YWHAQ: variants seen among roughly 807,000 people sequenced by gnomAD.
YWHAQ encodes tyrosine 3-monooxygenase/tryptophan 5-monooxygenase activation protein theta.
In YWHAQ, 6 loss-of-function variants were observed where a neutral mutation model predicts 28.3. The observed-to-expected ratio is 0.21, with a 90% CI of 0.12 to 0.42. The LOEUF (loss-of-function observed/expected upper bound fraction) is 0.42. Among genes scored for constraint, YWHAQ ranks in the 10% least tolerant of loss-of-function variants. YWHAQ has a pLI of 1.00. For synonymous variants in YWHAQ, 143 were observed against 119.1 expected (o/e 1.20, Z -1.31); for missense variants, 201 against 305.6 (o/e 0.66, Z 2.55).
chr2:9,609,872 AC>A (rs1666910354), intron 2 of YWHAQ, among the ~76,000 whole-genome samples: 1 of 152,210 alleles, frequency 6.6e-6, no homozygotes, highest in Admixed American at 6.6e-5. Context: ...ACTAAAAGAA[AC>A]TTTTTTAGAG....
chr2:9,605,813 T>C (rs927259097), intron 2 of YWHAQ, among the ~76,000 whole-genome samples: 3 of 151,076 alleles, frequency 2.0e-5, no homozygotes, highest in Non-Finnish European at 4.4e-5. Flanking sequence ...CTGCCCGCTG[T>C]GGCCTCCCAA....
intron 2 of YWHAQ, among the ~76,000 whole-genome samples, chr2:9,602,662 A>AGC (rs1666715984): frequency 6.7e-6 from 1 of 150,332 alleles, no homozygotes; most frequent in Admixed American, 6.7e-5. Context: ...CTCCCACCTT[A>AGC]GCCCTACTAT....
At chr2:9,593,717 A>G (rs1393202833) in intron 2 of YWHAQ, among the ~76,000 whole-genome samples, 2 of 151,752 alleles carry the variant, frequency 1.3e-5, no homozygotes, top group Non-Finnish European at 2.9e-5. Context: ...AATCCCAGCT[A>G]CTTGGAAGGC....
Position 9,584,954 on chromosome 2 carries a change from A to C in YWHAQ, c.*332T>G, listed in dbSNP as rs541193418. On this transcript the variant is annotated 3_prime_UTR_variant, in exon 6 of 6. Transcript: ENST00000238081. ...AACTACATTTTCTTATTTTCACAGTAATACAAAACACAGTCACTTGCAGAA... is the reference window on the plus strand; with the variant it reads ...AACTACATTTTCTTATTTTCACAGTCATACAAAACACAGTCACTTGCAGAA... 5 of 244,038 alleles carry C rather than the reference A, an allele frequency of 2.0e-5. No individual in the cohort carries two copies. The highest frequency in any genetic ancestry group is 2.4e-5 in the Non-Finnish European group (3 of 126,050). 15.1% of individuals were successfully genotyped at this position (244,038 alleles called of 1,614,324 possible).
intron 2 of YWHAQ, among the ~76,000 whole-genome samples, chr2:9,624,206 A>AG (rs1385833259): frequency 6.6e-6 from 1 of 152,210 alleles, no homozygotes; most frequent in Admixed American, 6.5e-5. Flanking sequence ...CAGTGAGCCC[A>AG]GATGGCGCAA....
At chr2:9,622,074 T>C (rs547880234) in intron 2 of YWHAQ, among the ~76,000 whole-genome samples, 1 of 151,646 alleles carries the variant, frequency 6.6e-6, no homozygotes, top group South Asian at 2.1e-4. Context: ...ATTGGAGAAA[T>C]ACCTAATGTA....
chr2:9,592,119 T>A (rs558864240), intron 2 of YWHAQ, among the ~76,000 whole-genome samples: 1 of 152,248 alleles, frequency 6.6e-6, no homozygotes, highest in South Asian at 2.1e-4. Context: ...AAACATCAAG[T>A]ACGAGGGAGA....
chr2:9,625,532 C>T (rs1667232865), intron 2 of YWHAQ, among the ~76,000 whole-genome samples: 1 of 152,122 alleles, frequency 6.6e-6, no homozygotes, highest in South Asian at 2.1e-4. Context: ...GTACTTAGGG[C>T]CTACTGTGTT....
chr2:9,620,910 TCTA>T (rs1442212263), intron 2 of YWHAQ, among the ~76,000 whole-genome samples: 1 of 152,200 alleles, frequency 6.6e-6, no homozygotes, highest in Non-Finnish European at 1.5e-5. Context: ...GAACAGCAGT[TCTA>T]CTATTAACTT....
At chr2:9,593,505 G>A (rs539808416) in intron 2 of YWHAQ, among the ~76,000 whole-genome samples, 3 of 152,020 alleles carry the variant, frequency 2.0e-5, no homozygotes, top group African/African-American at 7.2e-5. Flanking sequence ...CACTGCGCCT[G>A]GCCCATAAGT....
chr2:9,619,586 T>C (rs946432121), intron 2 of YWHAQ, among the ~76,000 whole-genome samples: 2 of 151,882 alleles, frequency 1.3e-5, no homozygotes, highest in African/African-American at 4.8e-5. Context: ...AAGAGTTACA[T>C]GTAAAAAAAT....
At position 9,585,017 on chromosome 2, in the gene YWHAQ, T is replaced by A; in HGVS notation, c.*269A>T. 1 of 393,024 alleles carries A rather than the reference T, an allele frequency of 2.5e-6. No homozygotes were observed. The highest frequency in any genetic ancestry group is 4.6e-6 in the Non-Finnish European group (1 of 216,460). The allele number at this position is 393,024 out of a possible 1,614,324, so 24.3% of individuals were successfully genotyped here. On this transcript the variant is annotated 3_prime_UTR_variant, in exon 6 of 6. Transcript: ENST00000238081. ...ACTTAAATACCAGATACATTTTTAG[T>A]CCTCTACATAAGTGTTTGGGAGTTA...
At chr2:9,597,803 T>A (rs868795151) in intron 2 of YWHAQ, among the ~76,000 whole-genome samples, 47 of 150,754 alleles carry the variant, frequency 3.1e-4, no homozygotes, top group East Asian at 2.5e-3. Context: ...TTTTTTTTTT[T>A]ATTGAGACAG....
In YWHAQ at chr2:9,630,426, C is replaced by T. The variant is rs1365202009; in HGVS notation, c.27G>A (p.Lys9=). 3.1e-6 allele frequency: 5 copies of T among 1,611,736 alleles called. No individual in the cohort carries two copies. The African/African-American group carries it at 5.3e-5, about 17-fold the overall frequency. ...GCTCGGCCTGCTCGGCCAGCTTGGCCTTCTGGATCAGCTCAGTCTTCTCCA... is the reference window on the plus strand; with the variant it reads ...GCTCGGCCTGCTCGGCCAGCTTGGCTTTCTGGATCAGCTCAGTCTTCTCCA... The part of the protein sequence containing the change: MEKTELIQ[K]AKLAEQAERY... Residue 9 remains lysine, a synonymous_variant, in exon 2 of 6, where the codon AAG becomes AAA. Coordinates refer to ENST00000238081, the MANE Select transcript of YWHAQ (RefSeq NM_006826.4). This position sits in a 1 kb window ranked among gnomAD's most constrained non-coding sequence, Gnocchi z 5.6.
chr2:9,599,511 A>G (rs944331165), intron 2 of YWHAQ, among the ~76,000 whole-genome samples: 1 of 152,194 alleles, frequency 6.6e-6, no homozygotes, highest in African/African-American at 2.4e-5. Flanking sequence ...AGATGAAGCC[A>G]ATGCTCATTT....
chr2:9,618,059 A>G (rs1231192331), intron 2 of YWHAQ, among the ~76,000 whole-genome samples: 1 of 152,218 alleles, frequency 6.6e-6, no homozygotes, highest in Non-Finnish European at 1.5e-5. Flanking sequence ...CAGAAGAGGC[A>G]AATCTATAGG....
chr2:9,598,600 T>C (rs1419256662), intron 2 of YWHAQ, among the ~76,000 whole-genome samples: 1 of 152,252 alleles, frequency 6.6e-6, no homozygotes. Flanking sequence ...AAACTTTTTA[T>C]GATTATTTTA....
chr2:9,625,549 C>T (rs1053099725), intron 2 of YWHAQ, among the ~76,000 whole-genome samples: 1 of 152,196 alleles, frequency 6.6e-6, no homozygotes, highest in Non-Finnish European at 1.5e-5. Context: ...TGTTTCATGT[C>T]ATAAGCAGTT....
chr2:9,612,841 A>AC (rs1337656173), intron 2 of YWHAQ, among the ~76,000 whole-genome samples: 1 of 152,242 alleles, frequency 6.6e-6, no homozygotes, highest in East Asian at 1.9e-4. Flanking sequence ...CAGCACTATT[A>AC]GAGTGACTGG....
Sources: gnomAD v4.1 joint callset for allele counts (sites outside exome capture counted in the v4.1 genomes callset) on GRCh38, gnomAD v4.1.1 for gene constraint, Gnocchi (gnomAD v3.1) non-coding constraint, MANE v1.5 for transcripts, NCBI Gene and HGNC (gene_info 2026-07-23, HGNC 2026-07-21) for gene names.